Variants in ROBO2 observed in about 807,000 individuals in gnomAD.
ROBO2 encodes roundabout homolog 2.
In ROBO2, 53 loss-of-function variants were observed where a neutral mutation model predicts 160.8. That is an observed-to-expected ratio of 0.33 (90% CI 0.26 to 0.41). ROBO2 has a LOEUF of 0.41. ROBO2 is among the 10% of genes least tolerant of loss of function. The pLI is 1.00. For synonymous variants in ROBO2, 664 were observed against 611.7 expected (o/e 1.09, Z -1.26); for missense variants, 1,577 against 1,722.4 (o/e 0.92, Z 1.49).
intron 2 of ROBO2, among the ~76,000 whole-genome samples, chr3:76,767,954 G>A (rs1481180896): frequency 6.6e-6 from 1 of 151,346 alleles, no homozygotes. Context: ...AAAAGGAACA[G>A]GATTTTTTGG....
At position 76,409,521 on chromosome 3, in the gene ROBO2, A is replaced by G. The variant is rs532392041; in HGVS notation, c.109+471919A>G. Among the ~76,000 whole-genome samples, 9 of 152,156 alleles carry G rather than the reference A, an allele frequency of 5.9e-5. No individual in the cohort carries two copies. In the South Asian group the frequency reaches 1.0e-3, roughly 18 times the overall value. ...ACTTTGAATAGAGATTTCTCAGACCATTCTCTAGCTGTCAAAACAAAACTC... is the reference window on the plus strand; with the variant it reads ...ACTTTGAATAGAGATTTCTCAGACCGTTCTCTAGCTGTCAAAACAAAACTC... On this transcript the variant is annotated intron_variant, in intron 2 of 26. Transcript: ENST00000487694.
At chr3:77,517,230 A>G (rs577168760) in intron 5 of ROBO2, among the ~76,000 whole-genome samples, 2 of 151,744 alleles carry the variant, frequency 1.3e-5, no homozygotes, top group African/African-American at 4.8e-5. Context: ...AAAGACATGT[A>G]TAAGGGAATG....
chr3:76,340,757 T>C (rs1489507095), intron 2 of ROBO2, among the ~76,000 whole-genome samples: 1 of 152,138 alleles, frequency 6.6e-6, no homozygotes, highest in Non-Finnish European at 1.5e-5. Context: ...ATGTCAATGC[T>C]GCAAATAAAA....
chr3:76,693,063 GTATC>G (rs1382850790), intron 2 of ROBO2, among the ~76,000 whole-genome samples: 1 of 147,950 alleles, frequency 6.8e-6, no homozygotes, highest in African/African-American at 2.5e-5. Context: ...TATATAGTGT[GTATC>G]TATATATAGT....
intron 4 of ROBO2, among the ~76,000 whole-genome samples, chr3:77,488,089 A>G (rs2085601470): frequency 6.6e-6 from 1 of 152,150 alleles, no homozygotes; most frequent in African/African-American, 2.4e-5. Context: ...GAGACTTGGC[A>G]TTTGATTTTA....
chr3:76,000,145 C>G (rs528293340), intron 2 of ROBO2, among the ~76,000 whole-genome samples: 1 of 152,152 alleles, frequency 6.6e-6, no homozygotes, highest in East Asian at 1.9e-4. Context: ...GCAGAGAGAC[C>G]TTAACATTCA....
chr3:77,559,091 T>C (rs1233056266), intron 9 of ROBO2, among the ~76,000 whole-genome samples: 1 of 152,094 alleles, frequency 6.6e-6, no homozygotes, highest in African/African-American at 2.4e-5. Context: ...TTGCCTTTGG[T>C]TCCTTGCCAT....
intron 2 of ROBO2, among the ~76,000 whole-genome samples, chr3:76,058,186 G>A (rs1365145297): frequency 6.6e-6 from 1 of 151,860 alleles, no homozygotes; most frequent in Non-Finnish European, 1.5e-5. Context: ...CACATGCCAT[G>A]ATGGTTTGCT....
At chr3:76,002,570 C>G (rs971053712) in intron 2 of ROBO2, among the ~76,000 whole-genome samples, 1 of 152,172 alleles carries the variant, frequency 6.6e-6, no homozygotes, top group African/African-American at 2.4e-5. Context: ...TTCTCATTTT[C>G]TCTTGCCTGC....
rs140147876 is a variant in ROBO2, at chr3:76,589,031, A to G, written c.110-508983A>G. Among the ~76,000 whole-genome samples the G allele has an allele frequency of 3.3e-5, 5 of 152,294 alleles. No individual in the cohort carries two copies. The East Asian group carries it at 9.7e-4, about 29-fold the overall frequency. ...CAGGTAGTTCAAGACTAGTTTGGAA[A>G]TCTTGATTTGAACACCCTGTAAACA... is the stretch of plus-strand genomic sequence containing the variant. On this transcript the variant is annotated intron_variant, in intron 2 of 26. Coordinates refer to the ROBO2 transcript ENST00000487694.
rs185649048 is a variant in ROBO2 at position 77,520,769 on chromosome 3, T to G, written c.807-2006T>G. Among the ~76,000 whole-genome samples, 6 of 151,458 alleles carry G rather than the reference T, an allele frequency of 4.0e-5. No homozygotes were observed. In the East Asian group the frequency reaches 1.2e-3, roughly 30 times the overall value. On this transcript the variant is annotated intron_variant, in intron 5 of 25. Coordinates refer to ENST00000461745, the Ensembl canonical transcript of ROBO2. Reference sequence around the variant, plus strand: ...TGTTTCTATCTTACAGCTAAGCATGTCATGCAGTTCATAGGCTAACTGTAG... The same window carrying G: ...TGTTTCTATCTTACAGCTAAGCATGGCATGCAGTTCATAGGCTAACTGTAG...
chr3:77,467,956 A>G (rs1360996622), intron 2 of ROBO2, among the ~76,000 whole-genome samples: 1 of 152,168 alleles, frequency 6.6e-6, no homozygotes, highest in African/African-American at 2.4e-5. Context: ...GCAGCTGAGC[A>G]AGACATTGCC....
chr3:76,321,955 A>C (rs979384960), intron 2 of ROBO2, among the ~76,000 whole-genome samples: 2 of 151,828 alleles, frequency 1.3e-5, no homozygotes, highest in African/African-American at 4.8e-5. Context: ...ATCACACAGA[A>C]TCATGTGCTA....
At chr3:76,624,514 G>A (rs1263784125) in intron 2 of ROBO2, among the ~76,000 whole-genome samples, 1 of 143,694 alleles carries the variant, frequency 7.0e-6, no homozygotes, top group Non-Finnish European at 1.5e-5. Flanking sequence ...TGTCTTTATA[G>A]AGGCCGGGCG....
intron 2 of ROBO2, among the ~76,000 whole-genome samples, chr3:76,487,279 G>A (rs147081027): frequency 6.6e-5 from 10 of 151,692 alleles, no homozygotes; most frequent in African/African-American, 1.9e-4. Context: ...TGCACCCAGC[G>A]AGAATCACAT....
intron 2 of ROBO2, among the ~76,000 whole-genome samples, chr3:76,423,907 C>T (rs2076101360): frequency 6.6e-6 from 1 of 152,110 alleles, no homozygotes; most frequent in Non-Finnish European, 1.5e-5. Flanking sequence ...TAAGGAGCTC[C>T]ATCTGACCCT....
rs187584756 is a variant in ROBO2, at chr3:76,289,454, G to A, written c.109+351852G>A. Among the ~76,000 whole-genome samples, 139 of 151,872 alleles carry A rather than the reference G, an allele frequency of 9.2e-4. 1 individual carries two copies. Among genetic ancestry groups the A allele is most frequent in the Non-Finnish European group, 1.9e-3 (127 of 67,944 alleles). On this transcript the variant is annotated intron_variant, in intron 2 of 26. Transcript: ENST00000487694. Reference sequence around the variant, plus strand: ...TTCTGTAGGTTGTTTTTTTTATTCTGCTGATAGCTTTGTTTGCTCTGCAGA... The same window carrying A: ...TTCTGTAGGTTGTTTTTTTTATTCTACTGATAGCTTTGTTTGCTCTGCAGA...
At chr3:77,551,653 C>T (rs1366816989) in intron 8 of ROBO2, among the ~76,000 whole-genome samples, 3 of 152,066 alleles carry the variant, frequency 2.0e-5, no homozygotes, top group Non-Finnish European at 4.4e-5. Context: ...AACCTCTGAG[C>T]GTGAATTTAA....
chr3:76,970,699 AG>A (rs2059531816), intron 2 of ROBO2, among the ~76,000 whole-genome samples: 1 of 152,216 alleles, frequency 6.6e-6, no homozygotes, highest in African/African-American at 2.4e-5. Context: ...TAAATGGCTC[AG>A]GTAAAATGAT....
Sources: allele counts gnomAD v4.1 joint callset (sites outside exome capture counted in the v4.1 genomes callset), GRCh38; gene constraint gnomAD v4.1.1; transcripts MANE v1.5; gene names NCBI Gene and HGNC (gene_info 2026-07-23, HGNC 2026-07-21).